Variants in PLXNA2 observed in about 807,000 individuals in gnomAD.
PLXNA2 encodes the protein plexin A2.
Under a neutral mutation model 193.5 loss-of-function variants are expected in PLXNA2, and 91 were observed. That is an observed-to-expected ratio of 0.47 (90% CI 0.40 to 0.56). The LOEUF (loss-of-function observed/expected upper bound fraction) is 0.56. Among genes scored for constraint, PLXNA2 ranks in the 20% least tolerant of loss-of-function variants. PLXNA2 has a pLI of 0.00. For missense variants in PLXNA2, 1,995 were observed against 2,503.2 expected (o/e 0.80, Z 4.33); for synonymous variants, 997 against 1,027.3 (o/e 0.97, Z 0.56).
chr1:208,115,028 G>C (rs1667595329), intron 4 of PLXNA2, among the ~76,000 whole-genome samples: 1 of 152,162 alleles, frequency 6.6e-6, no homozygotes, highest in Admixed American at 6.5e-5. Context: ...TTCAACTCTG[G>C]CAAGGTGGTG....
intron 12 of PLXNA2, among the ~76,000 whole-genome samples, chr1:208,069,156 T>C (rs1665894491): frequency 6.6e-6 from 1 of 152,186 alleles, no homozygotes; most frequent in Non-Finnish European, 1.5e-5. Context: ...GATGTGGGAT[T>C]AGGCAGGCAT....
rs138192907 is a variant in PLXNA2 at position 208,144,551 on chromosome 1, C to T, written c.1372-2088G>A. ...CCTGAGGCCCTTGTGCTATACCCCA[C>T]GGATGAAAATGGTAGGTCAGGGTCT... On this transcript the variant is annotated intron_variant, in intron 3 of 31. Coordinates refer to ENST00000367033, the MANE Select transcript of PLXNA2 (RefSeq NM_025179.4). 9.8e-4 allele frequency among the ~76,000 whole-genome samples: 149 copies of T among 152,250 alleles called. 1 individual carries two copies. The highest frequency in any genetic ancestry group is 3.9e-3 in the East Asian group (20 of 5,168).
chr1:208,193,750 G>A (rs1558237618), intron 3 of PLXNA2, among the ~76,000 whole-genome samples: 1 of 152,020 alleles, frequency 6.6e-6, no homozygotes, highest in African/African-American at 2.4e-5. Context: ...TGTCTGGGCT[G>A]GTCACAGTCG....
At position 208,217,130 on chromosome 1, in the gene PLXNA2, C is replaced by T. The variant is rs181787622; in HGVS notation, c.793G>A (p.Gly265Ser). 3.7e-6 allele frequency: 6 copies of T among 1,614,184 alleles called. No individual in the cohort carries two copies. Among genetic ancestry groups the T allele is most frequent in the Non-Finnish European group, 5.1e-6 (6 of 1,180,032 alleles). ...FLTVQPETPEGVAINSAGDLF... is the reference protein window; with the variant it reads ...FLTVQPETPESVAINSAGDLF... ...TCTCCAGCGGAGTTGATGGCCACAC[C>T]CTCAGGGGTCTCGGGCTGGACAGTG... Residue 265 changes from glycine (G) to serine (S), a missense_variant, in exon 2 of 32, where the codon GGT becomes AGT. By Grantham distance (56) the Gly-to-Ser change is moderately conservative (BLOSUM62 0). Transcript: ENST00000367033. This position sits in a 1 kb window ranked among gnomAD's most constrained non-coding sequence, Gnocchi z 4.7.
intron 3 of PLXNA2, among the ~76,000 whole-genome samples, chr1:208,192,599 TAGAC>T (rs1419484346): frequency 6.6e-6 from 1 of 152,010 alleles, no homozygotes; most frequent in East Asian, 1.9e-4. Context: ...TAAAAACCAT[TAGAC>T]AGGCCAGGTG....
intron 12 of PLXNA2, among the ~76,000 whole-genome samples, chr1:208,070,448 A>G (rs963927927): frequency 6.6e-6 from 1 of 151,710 alleles, no homozygotes; most frequent in Admixed American, 6.6e-5. Flanking sequence ...AGTCTCCCCA[A>G]ACAATGCTGG....
chr1:208,031,900 G>A (rs143989073), intron 28 of PLXNA2, 141 bp from the exon 29 acceptor site: 14 of 1,293,052 alleles, frequency 1.1e-5, no homozygotes, highest in African/African-American at 1.5e-5. Context: ...TGCGGGGTGG[G>A]GAAGGGTACT....
chr1:208,085,341 C>A (rs1666483332), intron 9 of PLXNA2, among the ~76,000 whole-genome samples: 2 of 152,154 alleles, frequency 1.3e-5, no homozygotes, highest in South Asian at 4.1e-4. Context: ...AGCCTGGTAG[C>A]CCCTGGCAGT....
chr1:208,214,428 A>G (rs1218186857), intron 2 of PLXNA2, among the ~76,000 whole-genome samples: 1 of 152,222 alleles, frequency 6.6e-6, no homozygotes, highest in Non-Finnish European at 1.5e-5. Flanking sequence ...GGTAGGACTG[A>G]TTTTTAATCC....
intron 4 of PLXNA2, among the ~76,000 whole-genome samples, chr1:208,120,126 T>A (rs1667758940): frequency 6.6e-6 from 1 of 152,230 alleles, no homozygotes; most frequent in Admixed American, 6.5e-5. Context: ...CAATACTGAT[T>A]TAGCCCCGGC....
intron 1 of PLXNA2, among the ~76,000 whole-genome samples, chr1:208,235,544 C>T (rs1321040333): frequency 6.6e-6 from 1 of 152,180 alleles, no homozygotes; most frequent in Non-Finnish European, 1.5e-5. Flanking sequence ...GGGCAGGAGC[C>T]AATTCTGCCA....
chr1:208,152,097 G>A (rs529986020), intron 3 of PLXNA2, among the ~76,000 whole-genome samples: 1 of 152,164 alleles, frequency 6.6e-6, no homozygotes. Flanking sequence ...GCCTGAGATT[G>A]CCCTGCATTT....
chr1:208,138,159 G>GT (rs1307447712), intron 4 of PLXNA2, among the ~76,000 whole-genome samples: 2 of 152,090 alleles, frequency 1.3e-5, no homozygotes, highest in African/African-American at 2.4e-5. Context: ...TCAACTTATG[G>GT]TTTTTTTACT....
Position 208,033,507 on chromosome 1 carries a change from A to C in PLXNA2, c.4867T>G (p.Ser1623Ala). 1 of 1,600,784 alleles carries C rather than the reference A, an allele frequency of 6.2e-7. No homozygotes were observed. ...ISRTSISRYD[S>A]SFRYTGSPDS... The stretch of plus-strand genomic sequence containing the variant: ...GGGCTGCCCGTATACCTGAAGGAGG[A>C]GTCTGAGGAGAAGGGGTTGGTGGAG... The change falls in exon 28 of 32, where the codon TCC (serine) becomes GCC (alanine). Residue 1623 changes from serine to alanine, a missense_variant and splice_region_variant. Physicochemically the swap from Ser to Ala is moderately conservative, Grantham distance 99. Transcript: ENST00000367033.
rs546173492 is a variant in PLXNA2 at position 208,106,376 on chromosome 1, A to G, written c.1507-3129T>C. 1.4e-4 allele frequency among the ~76,000 whole-genome samples: 21 copies of G among 152,370 alleles called. No homozygotes were observed. In the South Asian group the frequency reaches 3.7e-3, roughly 27 times the overall value. On this transcript the variant is annotated intron_variant, in intron 4 of 31. Coordinates refer to ENST00000367033, the MANE Select transcript of PLXNA2 (RefSeq NM_025179.4). ...GGCACTTCAGAATAAAAACAACGAC[A>G]GCATTAAAACACAACTAGCACCTTC...
At chr1:208,228,973 G>A (rs1316776653) in intron 1 of PLXNA2, among the ~76,000 whole-genome samples, 5 of 152,100 alleles carry the variant, frequency 3.3e-5, no homozygotes, top group African/African-American at 4.8e-5. Flanking sequence ...TGCTCTTGCT[G>A]GTTTGTCCAG....
At chr1:208,180,033 C>T (rs1034689696) in intron 3 of PLXNA2, among the ~76,000 whole-genome samples, 1 of 152,210 alleles carries the variant, frequency 6.6e-6, no homozygotes, top group African/African-American at 2.4e-5. Context: ...GCCCCGCCCC[C>T]ACCCTGGGGC....
chr1:208,192,702 C>T (rs921960761), intron 3 of PLXNA2, among the ~76,000 whole-genome samples: 2 of 151,920 alleles, frequency 1.3e-5, no homozygotes, highest in African/African-American at 2.4e-5. Flanking sequence ...GCCTGGCCAA[C>T]ATGGAGAAAC....
chr1:208,028,916 C>T lies in PLXNA2; in HGVS notation c.5352G>A (p.Thr1784=), dbSNP rs774381426. ...AGTCCTTGCCCAGCCGGTGCTCTGA[C>T]GTTGAACAAGAGTCCATGAAGGTCT... is the stretch of plus-strand genomic sequence containing the variant. ...VAQTFMDSCS[T]SEHRLGKDSP... is the part of the protein sequence containing the mutation. Residue 1784 remains threonine, a synonymous_variant, in exon 30 of 32, where the codon ACG becomes ACA. Coordinates refer to ENST00000367033, the MANE Select transcript of PLXNA2 (RefSeq NM_025179.4). This position sits in a 1 kb window ranked among gnomAD's most constrained non-coding sequence, Gnocchi z 4.2. The T allele has an allele frequency of 2.0e-5, 33 of 1,613,970 alleles. No homozygotes were observed. The highest frequency in any genetic ancestry group is 1.2e-4 in the African/African-American group (9 of 74,878).
Sources: allele counts gnomAD v4.1 joint callset (sites outside exome capture counted in the v4.1 genomes callset), GRCh38; gene constraint gnomAD v4.1.1; non-coding constraint Gnocchi (gnomAD v3.1); transcripts MANE v1.5; gene names NCBI Gene and HGNC (gene_info 2026-07-23, HGNC 2026-07-21).